MTAP: variants seen among roughly 807,000 people sequenced by gnomAD.
MTAP encodes the protein methylthioadenosine phosphorylase.
MTAP carries 33 observed loss-of-function variants against 33.6 expected under a neutral mutation model. The observed-to-expected ratio is 0.98, with a 90% CI of 0.74 to 1.31. MTAP has a LOEUF of 1.31. Ranked by LOEUF, MTAP falls within the 40% of genes most tolerant of loss-of-function variation. The pLI is 0.00. For synonymous variants in MTAP, 148 were observed against 125.7 expected, an observed-to-expected ratio of 1.18 and a Z score of -1.19; for missense variants, 367 against 360.0, an observed-to-expected ratio of 1.02 and a Z score of -0.16.
intron 4 of MTAP, among the ~76,000 whole-genome samples, chr9:21,830,162 A>C (rs1171604937): frequency 6.6e-6 from 1 of 152,236 alleles, no homozygotes; most frequent in East Asian, 1.9e-4. Flanking sequence ...ATCCATAGAA[A>C]GCAACATATA....
chr9:21,821,619 T>C lies in MTAP; in HGVS notation c.347+3417T>C, dbSNP rs1233707001. Among the ~76,000 whole-genome samples the C allele has an allele frequency of 2.6e-5, 4 of 152,214 alleles. No individual in the cohort carries two copies. In the South Asian group the frequency reaches 6.2e-4, roughly 24 times the overall value. On this transcript the variant is annotated intron_variant, in intron 4 of 7. Coordinates refer to ENST00000644715, the MANE Select transcript of MTAP (RefSeq NM_002451.4). ...GTTGTGTCTCTGCCAGGCTTTGGTATCAGGATGATGCTGGCCTCATAAAAT... is the reference window on the plus strand; with the variant it reads ...GTTGTGTCTCTGCCAGGCTTTGGTACCAGGATGATGCTGGCCTCATAAAAT...
chr9:21,824,582 C>T (rs1182066596), intron 4 of MTAP, among the ~76,000 whole-genome samples: 3 of 152,224 alleles, frequency 2.0e-5, no homozygotes, highest in Non-Finnish European at 4.4e-5. Flanking sequence ...TGTCCATTCT[C>T]AGATCTCAAA....
rs568336698 is a variant in MTAP at position 21,864,573 on chromosome 9, C to T, written c.*2559C>T. 49 of 985,512 alleles carry T rather than the reference C, an allele frequency of 5.0e-5. No homozygotes were observed. The South Asian group carries it at 7.0e-4, about 14-fold the overall frequency. 61.0% of individuals were successfully genotyped at this position (985,512 alleles called of 1,614,324 possible). A position where few individuals can be genotyped will look rare whatever the true frequency, so the allele number is the denominator to read the frequency against. ...TTTTCATGGTTTTGAGAATGACATC[C>T]TGGCCCTGTGGTCCCCGAGGGTCAT... On this transcript the variant is annotated 3_prime_UTR_variant, in exon 8 of 8. Transcript: ENST00000644715.
intron 1 of MTAP, among the ~76,000 whole-genome samples, chr9:21,896,663 C>A (rs1406638000): frequency 1.3e-5 from 2 of 152,118 alleles, no homozygotes; most frequent in East Asian, 3.8e-4. Context: ...GATACATACA[C>A]CCTCCCAAGA....
intron 5 of MTAP, among the ~76,000 whole-genome samples, chr9:21,844,125 C>A (rs565851412): frequency 6.6e-6 from 1 of 152,106 alleles, no homozygotes; most frequent in Non-Finnish European, 1.5e-5. Flanking sequence ...ACTAGAAAAT[C>A]TAGAGGAGAT....
Position 21,818,166 on chromosome 9 carries a change from C to A in MTAP, c.311C>A (p.Pro104His), listed in dbSNP as rs1363907738. The change falls in exon 4 of 8, where the codon CCC (proline) becomes CAC (histidine). Residue 104 changes from proline to histidine, a missense_variant. Pro to His is a moderately conservative substitution (Grantham distance 77). Transcript: ENST00000644715. ...ACGSLREEIQ[P>H]GDIVIIDQFI... ...GGCTCCTTGAGGGAGGAGATTCAGC[C>A]CGGCGATATTGTCATTATTGATCAG... 6.2e-7 allele frequency: 1 copy of A among 1,613,856 alleles called. No individual in the cohort carries two copies. The highest frequency in any genetic ancestry group is 1.7e-5 in the Admixed American group (1 of 59,986).
chr9:21,892,799 TCCA>T (rs1818221849), intron 1 of MTAP: 1 of 152,168 alleles, frequency 6.6e-6, no homozygotes, highest in Non-Finnish European at 1.5e-5. Flanking sequence ...TGCAGCACAC[TCCA>T]CCCAACAACA....
At chr9:21,913,419 A>G (rs1245617855) in intron 1 of MTAP, among the ~76,000 whole-genome samples, 5 of 152,238 alleles carry the variant, frequency 3.3e-5, no homozygotes, top group Admixed American at 3.3e-4. Flanking sequence ...TGGTACTGGT[A>G]CCAAAACAGA....
rs192341587 is a variant in MTAP, at chr9:21,849,759, A to T, written c.451-4872A>T. 4.2e-4 allele frequency among the ~76,000 whole-genome samples: 64 copies of T among 152,372 alleles called. No individual in the cohort carries two copies. The East Asian group carries it at 0.012, about 29-fold the overall frequency. On this transcript the variant is annotated intron_variant, in intron 5 of 7. Transcript: ENST00000644715. ...ATCTCTCCCATTTGGCCCATACAGA[A>T]GACAGATGGGTCTTGGGGAGAATGA...
intron 1 of MTAP, chr9:21,893,513 T>G (rs1818233931): frequency 6.6e-6 from 1 of 151,832 alleles, no homozygotes; most frequent in Admixed American, 6.6e-5. Flanking sequence ...CTTGCTAGAC[T>G]TACAAAAAAA....
intron 1 of MTAP, among the ~76,000 whole-genome samples, chr9:21,872,274 C>T (rs1221762330): frequency 2.6e-5 from 4 of 152,122 alleles, no homozygotes; most frequent in Admixed American, 6.5e-5. Flanking sequence ...GCCAAGATTG[C>T]GCCACTGCAC....
chr9:21,803,587 T>C (rs147423994), intron 1 of MTAP, among the ~76,000 whole-genome samples: 1 of 152,190 alleles, frequency 6.6e-6, no homozygotes, highest in Non-Finnish European at 1.5e-5. Flanking sequence ...GCACGAGTTC[T>C]GAGAGTAGCA....
At chr9:21,861,886 C>G (rs763706581) in intron 7 of MTAP, 90 bp from the exon 8 acceptor site, 4 of 871,450 alleles carry the variant, frequency 4.6e-6, no homozygotes, top group Non-Finnish European at 7.7e-6. Context: ...TCACTTTGAT[C>G]TAGAAAATCA....
chr9:21,936,272 T>C (rs1270974977), exon 8 of MTAP: 1 of 152,212 alleles, frequency 6.6e-6, no homozygotes, highest in African/African-American at 2.4e-5. Context: ...AGTTTTGTAT[T>C]TGATGGCATT....
rs541896368 is a variant in MTAP at position 21,862,128 on chromosome 9, A to G, written c.*114A>G. On this transcript the variant is annotated 3_prime_UTR_variant, in exon 8 of 8. Coordinates refer to ENST00000644715, the MANE Select transcript of MTAP (RefSeq NM_002451.4). ...ACATGCAGCTTTCATGCCCTTGCCT[A>G]TCAAAGAGTATGTTGTAAGAAAGAC... The G allele has an allele frequency of 1.3e-6, 2 of 1,577,076 alleles. No homozygotes were observed. The highest frequency in any genetic ancestry group is 1.4e-5 in the African/African-American group (1 of 73,368).
chr9:21,828,406 G>T (rs1459625407), intron 4 of MTAP, among the ~76,000 whole-genome samples: 1 of 152,134 alleles, frequency 6.6e-6, no homozygotes, highest in African/African-American at 2.4e-5. Context: ...GGGTGCAGTG[G>T]CTCACGCCTG....
chr9:21,817,902 C>A, intron 3 of MTAP, 133 bp from the exon 4 acceptor site: 2 of 800,540 alleles, frequency 2.5e-6, no homozygotes, highest in Non-Finnish European at 3.7e-6. Flanking sequence ...GCTCACTGGA[C>A]TGGGTTCTAG....
At chr9:21,882,265 A>G (rs570103383) in intron 1 of MTAP, among the ~76,000 whole-genome samples, 5 of 151,984 alleles carry the variant, frequency 3.3e-5, no homozygotes, top group African/African-American at 7.2e-5. Context: ...GTTCGATAAT[A>G]TTTTATTTTA....
At chr9:21,930,054 G>T (rs1818932099) in intron 1 of MTAP, 1 of 432,434 alleles carries the variant, frequency 2.3e-6, no homozygotes, top group South Asian at 1.9e-5. Context: ...CCAAGCTCAT[G>T]CAGTACTTGA....
Sources: gnomAD v4.1 joint callset for allele counts (sites outside exome capture counted in the v4.1 genomes callset) on GRCh38, gnomAD v4.1.1 for gene constraint, MANE v1.5 for transcripts, NCBI Gene and HGNC (gene_info 2026-07-23, HGNC 2026-07-21) for gene names.